The following NME5 variants were observed in gnomAD, a reference collection of about 807,000 sequenced individuals.
NME5 encodes the protein NME/NM23 family member 5.
In NME5, 18 loss-of-function variants were observed where a neutral mutation model predicts 21.6. The observed-to-expected ratio is 0.83, with a 90% CI of 0.58 to 1.24. The LOEUF is 1.24. NME5 is among the 50% of genes most tolerant of loss of function. The pLI is 0.00. For missense variants in NME5, 223 were observed against 255.4 expected, an observed-to-expected ratio of 0.87 and a Z score of 0.86; for synonymous variants, 70 against 80.6, an observed-to-expected ratio of 0.87 and a Z score of 0.71.
intron 2 of NME5, among the ~76,000 whole-genome samples, chr5:138,130,378 TCAAA>T (rs1412899376): frequency 6.6e-6 from 1 of 151,980 alleles, no homozygotes; most frequent in Non-Finnish European, 1.5e-5. Context: ...AGACCCTGTA[TCAAA>T]CAAACTAACA....
At position 138,134,345 on chromosome 5, in the gene NME5, G is replaced by A. The variant is rs1282081844; in HGVS notation, c.129+4307C>T. Among the ~76,000 whole-genome samples, 4 of 152,090 alleles carry A rather than the reference G, an allele frequency of 2.6e-5. No homozygotes were observed. The East Asian group carries it at 7.7e-4, about 29-fold the overall frequency. On this transcript the variant is annotated intron_variant, in intron 2 of 5. Transcript: ENST00000265191. ...TGCAACCTCCGCCTCCCAGATTCAA[G>A]CGATTCTCCTGCCTCAGCCTCCTGA...
At chr5:138,133,100 T>C (rs1024637737) in intron 2 of NME5, among the ~76,000 whole-genome samples, 2 of 142,118 alleles carry the variant, frequency 1.4e-5, no homozygotes, top group African/African-American at 5.5e-5. Context: ...GGGTTCATCT[T>C]TTTTTTTTTT....
At chr5:138,122,703 G>A (rs139926899) in intron 4 of NME5, among the ~76,000 whole-genome samples, 3,072 of 147,528 alleles carry the variant, frequency 0.021, 98 homozygotes, top group African/African-American at 0.071. Flanking sequence ...TTTGAGACAT[G>A]GTCTTGCTCT....
intron 4 of NME5, among the ~76,000 whole-genome samples, chr5:138,125,540 T>C (rs985338698): frequency 2.6e-5 from 4 of 152,110 alleles, no homozygotes; most frequent in Non-Finnish European, 5.9e-5. Flanking sequence ...GATTGCACCA[T>C]TGCATTCCAT....
In NME5 at chr5:138,117,322, T is replaced by A. The variant is rs867247481; in HGVS notation, c.555+1496A>T. ...TCACAATGGATTCTTAGACATGACA[T>A]CAAAAGCACAAGAAATAAAAGAAAA... On this transcript the variant is annotated intron_variant, in intron 5 of 5. Coordinates refer to ENST00000265191, the MANE Select transcript of NME5 (RefSeq NM_003551.3). 4.0e-5 allele frequency among the ~76,000 whole-genome samples: 6 copies of A among 150,082 alleles called. 1 individual carries two copies. The South Asian group carries it at 1.3e-3, about 31-fold the overall frequency.
chr5:138,122,551 G>A lies in NME5; in HGVS notation c.437-3615C>T, dbSNP rs547615218. On this transcript the variant is annotated intron_variant, in intron 4 of 5. Coordinates refer to ENST00000265191, the MANE Select transcript of NME5 (RefSeq NM_003551.3). ...ACAGCTTTATTGAAGTATTACTCAT[G>A]TACACAAAATTGCACACAATTAATG... 7.3e-4 allele frequency among the ~76,000 whole-genome samples: 108 copies of A among 148,180 alleles called. 1 individual carries two copies. Among genetic ancestry groups the A allele is most frequent in the African/African-American group, 2.6e-3 (102 of 39,996 alleles).
intron 3 of NME5, among the ~76,000 whole-genome samples, chr5:138,128,816 G>A (rs1280709666): frequency 6.6e-6 from 1 of 152,072 alleles, no homozygotes; most frequent in African/African-American, 2.4e-5. Flanking sequence ...ATAAAAACGT[G>A]GTGTTGTTTT....
At chr5:138,138,952 A>G in intron 1 of NME5, 167 bp from the exon 2 acceptor site, 1 of 617,712 alleles carries the variant, frequency 1.6e-6, no homozygotes, top group South Asian at 2.1e-5. Context: ...TTTTCTATAT[A>G]CAGGGTCTCA....
At chr5:138,122,701 A>T in intron 4 of NME5, among the ~76,000 whole-genome samples, 1 of 145,644 alleles carries the variant, frequency 6.9e-6, no homozygotes, top group Non-Finnish European at 1.5e-5. Flanking sequence ...TTTTTGAGAC[A>T]TGGTCTTGCT....
intron 4 of NME5, among the ~76,000 whole-genome samples, 168 bp from the exon 5 acceptor site, chr5:138,119,104 A>G (rs1751227383): frequency 6.6e-6 from 1 of 152,094 alleles, no homozygotes; most frequent in Non-Finnish European, 1.5e-5. Context: ...ATCTCAGATC[A>G]CTGCAACCTC....
chr5:138,132,306 T>C (rs1369314167), intron 2 of NME5, among the ~76,000 whole-genome samples: 2 of 151,972 alleles, frequency 1.3e-5, no homozygotes, highest in African/African-American at 4.8e-5. Flanking sequence ...GCCGAAATCA[T>C]GCCATTGCAC....
intron 2 of NME5, among the ~76,000 whole-genome samples, chr5:138,137,627 T>G (rs1323341543): frequency 6.6e-6 from 1 of 151,850 alleles, no homozygotes; most frequent in East Asian, 1.9e-4. Flanking sequence ...TTTCTCTTTA[T>G]TTTTAAAAAT....
At chr5:138,120,230 C>CTTTTTTT (rs59354099) in intron 4 of NME5, among the ~76,000 whole-genome samples, 3 of 87,128 alleles carry the variant, frequency 3.4e-5, no homozygotes, top group East Asian at 3.4e-4. Context: ...GCTCCCAGCT[C>CTTTTTTT]TTTTTTTTTT....
Position 138,139,419 on chromosome 5 carries a change from G to A in NME5, c.-54C>T, listed in dbSNP as rs903424019. 23 of 985,496 alleles carry A rather than the reference G, an allele frequency of 2.3e-5. No individual in the cohort carries two copies. The highest frequency in any genetic ancestry group is 2.8e-5 in the Non-Finnish European group (23 of 829,986). 61.0% of individuals were successfully genotyped at this position (985,496 alleles called of 1,614,324 possible). A position where few individuals can be genotyped will look rare whatever the true frequency, so the allele number is the denominator to read the frequency against. ...ACAACTTGTTGCTAGGAGACCTGAA[G>A]CCCCAGCGTGGGGACGGTGGCTGCA... On this transcript the variant is annotated 5_prime_UTR_variant, in exon 1 of 6. Coordinates refer to ENST00000265191, the MANE Select transcript of NME5 (RefSeq NM_003551.3).
rs772782181 is a variant in NME5, at chr5:138,129,392, T to C, written c.206A>G (p.Asn69Ser). 19 of 1,613,950 alleles carry C rather than the reference T, an allele frequency of 1.2e-5. No individual in the cohort carries two copies. Among genetic ancestry groups the C allele is most frequent in the Admixed American group, 1.7e-5 (1 of 59,998 alleles). Residue 69 changes from asparagine (N) to serine (S), a missense_variant, in exon 3 of 6, where the codon AAC becomes AGC. Coordinates refer to ENST00000265191, the MANE Select transcript of NME5 (RefSeq NM_003551.3). ...VEKYGKMFFP[N>S]LTAYMSSGPL... is the part of the protein sequence containing the mutation. ...TCCAGAACTCATGTAAGCTGTTAAG[T>C]TGGGGAAAAACATTTTTCCATACTT...
intron 2 of NME5, 44 bp from the exon 3 acceptor site, chr5:138,129,512 T>C: frequency 1.5e-6 from 2 of 1,374,458 alleles, no homozygotes; most frequent in Non-Finnish European, 2.1e-6. Flanking sequence ...AAATGACAGT[T>C]CAATGATAGC....
Position 138,128,539 on chromosome 5 carries a change from G to A in NME5, c.376C>T (p.Leu126Phe). 1 of 1,612,944 alleles carries A rather than the reference G, an allele frequency of 6.2e-7. No individual in the cohort carries two copies. Among genetic ancestry groups the A allele is most frequent in the African/African-American group, 1.3e-5 (1 of 75,004 alleles). The change falls in exon 4 of 6, where the codon CTT becomes TTT. Residue 126 changes from leucine to phenylalanine, a missense_variant. Physicochemically the swap from Leu to Phe is conservative, Grantham distance 22 (BLOSUM62 0). Transcript: ENST00000265191. The part of the protein sequence containing the change: ...IYGTDDLRNA[L>F]HGSNDFAAAE... ...GCAGCAAAGTCATTACTCCCATGAA[G>A]TGCATTCCTTAGGTCATCTGTGCCA... is the stretch of plus-strand genomic sequence containing the variant.
intron 2 of NME5, 42 bp from the exon 3 acceptor site, chr5:138,129,510 G>T: frequency 7.2e-7 from 1 of 1,392,566 alleles, no homozygotes; most frequent in Non-Finnish European, 1.0e-6. Flanking sequence ...TAAAATGACA[G>T]TTCAATGATA....
At chr5:138,120,227 GCTC>G (rs139363775) in intron 4 of NME5, among the ~76,000 whole-genome samples, 36,732 of 117,134 alleles carry the variant, frequency 0.31, 6,077 homozygotes, top group South Asian at 0.47. Context: ...ACTGCTCCCA[GCTC>G]TTTTTTTTTT....
Sources: gnomAD v4.1 joint callset for allele counts (sites outside exome capture counted in the v4.1 genomes callset) on GRCh38, gnomAD v4.1.1 for gene constraint, MANE v1.5 for transcripts, NCBI Gene and HGNC (gene_info 2026-07-23, HGNC 2026-07-21) for gene names.